F8: variants seen among roughly 807,000 people sequenced by gnomAD.
F8 encodes the protein coagulation factor VIII.
A neutral mutation model predicts 140.6 loss-of-function variants in F8; 12 were observed. That is an observed-to-expected ratio of 0.09 (90% CI 0.05 to 0.14). F8 has a LOEUF of 0.14. F8 is among the 10% of genes least tolerant of loss of function. The pLI, the probability that F8 is intolerant of heterozygous loss-of-function variation, is 1.00. For synonymous variants in F8, 585 were observed against 614.6 expected, an observed-to-expected ratio of 0.95 and a Z score of 0.71; for missense variants, 1,354 against 1,720.7, an observed-to-expected ratio of 0.79 and a Z score of 3.77.
chrX:154,982,313 G>A (rs1302503270), intron 6 of F8, among the ~76,000 whole-genome samples: 3 of 106,413 alleles, frequency 2.8e-5, no homozygotes, highest in East Asian at 2.9e-4. Context: ...CAGTCGAGGT[G>A]GCGGGCGCCT....
At chrX:154,986,825 T>C (rs2073561292) in intron 5 of F8, among the ~76,000 whole-genome samples, 1 of 111,758 alleles carries the variant, frequency 8.9e-6, no homozygotes, top group South Asian at 3.8e-4. Flanking sequence ...CACACAGTGC[T>C]CTAGGTTACT....
chrX:154,878,874 AT>A, intron 22 of F8, among the ~76,000 whole-genome samples: 1 of 112,622 alleles, frequency 8.9e-6, no homozygotes, highest in East Asian at 2.8e-4. Context: ...AAAATAAAAA[AT>A]AATTCTATTT....
intron 5 of F8, 37 bp from the exon 6 acceptor site, chrX:154,984,840 C>T: frequency 9.7e-7 from 1 of 1,029,107 alleles, no homozygotes; most frequent in Admixed American, 2.2e-5. Flanking sequence ...GTCAGCTAAG[C>T]ATGTGTCTCA....
At chrX:154,973,141 C>T (rs986361738) in intron 6 of F8, among the ~76,000 whole-genome samples, 2 of 112,398 alleles carry the variant, frequency 1.8e-5, no homozygotes, top group African/African-American at 3.2e-5. Flanking sequence ...TTGCCAACTT[C>T]GTAGAAAATC....
chrX:154,932,126 A>G (rs976856925), intron 13 of F8, among the ~76,000 whole-genome samples: 1 of 112,177 alleles, frequency 8.9e-6, no homozygotes, highest in Non-Finnish European at 1.9e-5. Context: ...CAGCTGTGTG[A>G]CTTTGAGAAA....
Position 154,930,454 on chromosome X carries a change from A to G in F8, c.3336T>C (p.Asp1112=). The change falls in exon 14 of 26, where the codon GAT becomes GAC. Residue 1112 remains aspartate (D), a synonymous_variant. Transcript: ENST00000360256. ...GPIPPDAQNP[D]MSFFKMLFLP... ...AGAATAGCATCTTAAAGAACGACAT[A>G]TCTGGATTTTGTGCATCTGGTGGAA... The G allele has an allele frequency of 8.3e-7, 1 of 1,211,376 alleles. No homozygotes were observed. The highest frequency in any genetic ancestry group is 1.7e-5 in the African/African-American group (1 of 57,815).
intron 6 of F8, among the ~76,000 whole-genome samples, chrX:154,975,188 A>T (rs2073478688): frequency 9.3e-6 from 1 of 107,793 alleles, no homozygotes; most frequent in Admixed American, 9.8e-5. Flanking sequence ...TTTATTTGAG[A>T]TTTTTTTTTG....
chrX:154,933,303 G>T (rs2073207813), intron 13 of F8, among the ~76,000 whole-genome samples: 1 of 111,686 alleles, frequency 9.0e-6, no homozygotes, highest in South Asian at 3.7e-4. Flanking sequence ...GAAAATAATT[G>T]TAATTCCCTT....
chrX:154,893,242 C>G (rs1042106086), intron 22 of F8, among the ~76,000 whole-genome samples: 1 of 112,203 alleles, frequency 8.9e-6, no homozygotes, highest in South Asian at 3.7e-4. Flanking sequence ...CCCTAAAATG[C>G]GTAAAACCAA....
intron 3 of F8, among the ~76,000 whole-genome samples, chrX:154,993,796 C>T (rs1322492639): frequency 8.9e-6 from 1 of 112,260 alleles, no homozygotes; most frequent in African/African-American, 3.2e-5. Context: ...GTGAGGGTCA[C>T]GGAACAGTAA....
intron 22 of F8, among the ~76,000 whole-genome samples, chrX:154,879,919 G>A (rs186079918): frequency 1.6e-3 from 179 of 111,761 alleles, no homozygotes; most frequent in Non-Finnish European, 1.9e-3. Flanking sequence ...GGGACTGTAA[G>A]TTTCCTGAGG....
At chrX:155,017,413 G>A (rs1253353476) in intron 1 of F8, among the ~76,000 whole-genome samples, 1 of 112,272 alleles carries the variant, frequency 8.9e-6, no homozygotes, top group Non-Finnish European at 1.9e-5. Context: ...TTGTTACACA[G>A]CAATAGGAAA....
At chrX:154,850,797 A>T (rs782069686) in intron 25 of F8, among the ~76,000 whole-genome samples, 1 of 112,256 alleles carries the variant, frequency 8.9e-6, no homozygotes, top group East Asian at 2.8e-4. Flanking sequence ...TTGTGAAGAC[A>T]TCATTCATTA....
At chrX:154,943,439 T>C (rs1462174048) in intron 13 of F8, among the ~76,000 whole-genome samples, 1 of 111,179 alleles carries the variant, frequency 9.0e-6, no homozygotes, top group Non-Finnish European at 1.9e-5. Context: ...GAGAATAAAA[T>C]ACCTAGGAAT....
intron 6 of F8, among the ~76,000 whole-genome samples, chrX:154,972,613 A>G (rs1201842133): frequency 9.1e-6 from 1 of 110,286 alleles, no homozygotes; most frequent in Non-Finnish European, 1.9e-5. Context: ...ATGTCATGAA[A>G]TGCTTACACT....
intron 14 of F8, among the ~76,000 whole-genome samples, chrX:154,912,006 G>A (rs1184505624): frequency 8.9e-6 from 1 of 112,086 alleles, no homozygotes. Context: ...TTTCTTTTGA[G>A]AAATGTTTAT....
chrX:154,994,504 T>G (rs1387074892), intron 3 of F8, among the ~76,000 whole-genome samples: 1 of 112,524 alleles, frequency 8.9e-6, no homozygotes, highest in Non-Finnish European at 1.9e-5. Flanking sequence ...ATAGTCTCTT[T>G]TAGTATGGAG....
At chrX:154,909,048 G>A (rs2073051973) in intron 14 of F8, 4 of 234,034 alleles carry the variant, frequency 1.7e-5, no homozygotes, top group East Asian at 1.3e-4. Flanking sequence ...AGTCATTTTC[G>A]CTGTCACAAG....
intron 13 of F8, among the ~76,000 whole-genome samples, chrX:154,937,286 A>T (rs946814650): frequency 1.2e-4 from 13 of 111,286 alleles, no homozygotes; most frequent in African/African-American, 2.9e-4. Flanking sequence ...AAACAAAAAA[A>T]TTTTTTTAAT....
Sources: allele counts gnomAD v4.1 joint callset (sites outside exome capture counted in the v4.1 genomes callset), GRCh38; gene constraint gnomAD v4.1.1; transcripts MANE v1.5; gene names NCBI Gene and HGNC (gene_info 2026-07-23, HGNC 2026-07-21).